The following CCDC191 variants were observed in gnomAD, a reference collection of about 807,000 sequenced individuals.
CCDC191 encodes coiled-coil domain-containing protein 191.
A neutral mutation model predicts 114.0 loss-of-function variants in CCDC191; 99 were observed. The ratio of observed to expected loss-of-function variants is 0.87; its 90% CI spans 0.74 to 1.03. The LOEUF is 1.03. Among genes scored for constraint, CCDC191 ranks in the 50% least tolerant of loss-of-function variants. CCDC191 has a pLI of 0.00. For synonymous variants in CCDC191, 351 were observed against 376.0 expected (o/e 0.93, Z 0.77); for missense variants, 973 against 1,087.0 (o/e 0.90, Z 1.47).
chr3:113,973,269 G>A (rs923931621), intron 16 of CCDC191, among the ~76,000 whole-genome samples: 1 of 152,072 alleles, frequency 6.6e-6, no homozygotes, highest in African/African-American at 2.4e-5. Flanking sequence ...CCTCTTAGCA[G>A]GCTGCTGTAG....
chr3:114,035,203 GA>G, intron 5 of CCDC191, 55 bp from the exon 6 acceptor site: 1 of 1,302,166 alleles, frequency 7.7e-7, no homozygotes, highest in Non-Finnish European at 1.1e-6. Flanking sequence ...AAAGGGATAT[GA>G]AAAGCCTTAC....
chr3:114,019,232 A>T (rs986848766), intron 7 of CCDC191, among the ~76,000 whole-genome samples: 5 of 152,164 alleles, frequency 3.3e-5, no homozygotes, highest in African/African-American at 1.2e-4. Flanking sequence ...GGTGTCTTGG[A>T]GCTCAAAATA....
intron 6 of CCDC191, among the ~76,000 whole-genome samples, chr3:114,032,075 A>C (rs1025707628): frequency 3.9e-5 from 6 of 152,184 alleles, no homozygotes; most frequent in African/African-American, 1.4e-4. Flanking sequence ...TCAAAATTTG[A>C]GAGTTAACAA....
chr3:114,038,399 T>A (rs1422218420), intron 4 of CCDC191, among the ~76,000 whole-genome samples: 1 of 152,196 alleles, frequency 6.6e-6, no homozygotes, highest in Non-Finnish European at 1.5e-5. Context: ...CATCATAATG[T>A]CAGAGCACAA....
At chr3:113,980,394 C>T (rs548071638) in intron 14 of CCDC191, among the ~76,000 whole-genome samples, 1 of 152,284 alleles carries the variant, frequency 6.6e-6, no homozygotes, top group South Asian at 2.1e-4. Context: ...AGAGAAGCTT[C>T]TATTCATCTT....
chr3:113,985,063 C>A (rs1483696950), intron 13 of CCDC191, among the ~76,000 whole-genome samples: 3 of 152,126 alleles, frequency 2.0e-5, no homozygotes, highest in African/African-American at 7.2e-5. Flanking sequence ...CTGATGGAGG[C>A]AGACAGTGAG....
In CCDC191 at chr3:114,053,000, A is replaced by G. The variant is rs577687416; in HGVS notation, c.129+597T>C. The stretch of plus-strand genomic sequence containing the variant: ...GGCACTTTCAAATTAAATGGTACTC[A>G]GACTCAAAAATACATATCTCAGGCC... On this transcript the variant is annotated intron_variant, in intron 2 of 16. Coordinates refer to ENST00000295878, the MANE Select transcript of CCDC191 (RefSeq NM_020817.2). Among the ~76,000 whole-genome samples, 11 of 152,342 alleles carry G rather than the reference A, an allele frequency of 7.2e-5. No homozygotes were observed. The East Asian group carries it at 2.1e-3, about 29-fold the overall frequency.
chr3:114,052,275 C>A (rs2076707730), intron 2 of CCDC191, among the ~76,000 whole-genome samples: 1 of 152,072 alleles, frequency 6.6e-6, no homozygotes, highest in African/African-American at 2.4e-5. Context: ...TTGAGTCAAG[C>A]TGGCTGAAAA....
intron 16 of CCDC191, among the ~76,000 whole-genome samples, chr3:113,969,279 A>T (rs890263667): frequency 1.3e-5 from 2 of 151,370 alleles, no homozygotes; most frequent in East Asian, 3.9e-4. Context: ...GTTTGCAAAT[A>T]CTCTCTCTCT....
chr3:114,014,059 G>A (rs1404924817), intron 8 of CCDC191, among the ~76,000 whole-genome samples: 7 of 152,184 alleles, frequency 4.6e-5, no homozygotes, highest in Non-Finnish European at 7.3e-5. Flanking sequence ...TATCTGCAAA[G>A]TGTCTTGAAC....
rs747849038 is a variant in CCDC191 at position 114,031,607 on chromosome 3, G to A, written c.972+19C>T. 12 of 1,587,674 alleles carry A rather than the reference G, an allele frequency of 7.6e-6. No homozygotes were observed. The highest frequency in any genetic ancestry group is 1.1e-5 in the South Asian group (1 of 90,196). On this transcript the variant is annotated intron_variant, in intron 7 of 16. Coordinates refer to ENST00000295878, the MANE Select transcript of CCDC191 (RefSeq NM_020817.2). ...TTTATACTACAGAATGCTGAGTAAA[G>A]AGACATTGCAATTCCCACCTGTTGA...
intron 1 of CCDC191, chr3:114,054,280 T>A (rs2076736059): frequency 6.6e-6 from 1 of 152,130 alleles, no homozygotes; most frequent in South Asian, 2.1e-4. Context: ...TCCTAGAAGC[T>A]TGGAGAATTC....
Position 114,018,662 on chromosome 3 carries a change from A to G in CCDC191, c.1163+16T>C. 2.5e-6 allele frequency: 4 copies of G among 1,594,780 alleles called. No homozygotes were observed. The highest frequency in any genetic ancestry group is 1.1e-5 in the South Asian group (1 of 89,010). ...TAGATAAACATACTAGATTTTCACA[A>G]TACAAATAATGATACCTGTTTTCTT... On this transcript the variant is annotated intron_variant, in intron 8 of 16. Coordinates refer to ENST00000295878, the MANE Select transcript of CCDC191 (RefSeq NM_020817.2).
Position 113,965,150 on chromosome 3 carries a change from C to G in CCDC191, c.*5G>C, listed in dbSNP as rs565629371. ...TTCCTGTCCTAAATATTACACTAAT[C>G]TGGCTCATTCGTTCACCAGACTTGT... On this transcript the variant is annotated 3_prime_UTR_variant, in exon 17 of 17. Coordinates refer to ENST00000295878, the MANE Select transcript of CCDC191 (RefSeq NM_020817.2). 20 of 1,584,758 alleles carry G rather than the reference C, an allele frequency of 1.3e-5. No homozygotes were observed. In the South Asian group the frequency reaches 1.7e-4, roughly 14 times the overall value.
At chr3:114,005,984 T>C (rs2075951914) in intron 9 of CCDC191, 22 bp from the exon 10 acceptor site, 5 of 1,584,466 alleles carry the variant, frequency 3.2e-6, no homozygotes, top group Non-Finnish European at 4.3e-6. Context: ...AAACATGTTA[T>C]AGCTCAACTA....
rs369714095 is a variant in CCDC191, at chr3:113,980,742, T to C, written c.2215A>G (p.Ile739Val). Residue 739 changes from isoleucine (I) to valine (V), a missense_variant, in exon 14 of 17, where the codon ATA (isoleucine) becomes GTA (valine). Physicochemically the swap from Ile to Val is conservative, Grantham distance 29. Coordinates refer to ENST00000295878, the MANE Select transcript of CCDC191 (RefSeq NM_020817.2). ...RIKRNQQLEAIAKEHYERVLL... is the reference protein window; with the variant it reads ...RIKRNQQLEAVAKEHYERVLL... ...ACCCTTTCATAATGTTCTTTGGCTATTGCTTCCAGCTGCTGGTTCCTCTTA... is the reference window on the plus strand; with the variant it reads ...ACCCTTTCATAATGTTCTTTGGCTACTGCTTCCAGCTGCTGGTTCCTCTTA... 69 of 1,610,666 alleles carry C rather than the reference T, an allele frequency of 4.3e-5. No homozygotes were observed. The highest frequency in any genetic ancestry group is 5.7e-5 in the Non-Finnish European group (67 of 1,179,014).
intron 13 of CCDC191, among the ~76,000 whole-genome samples, chr3:113,993,577 CATTAAA>C (rs553740904): frequency 5.8e-4 from 89 of 152,222 alleles, no homozygotes; most frequent in Admixed American, 2.6e-3. Context: ...TCACAACTTA[CATTAAA>C]ATTAACTCCA....
intron 16 of CCDC191, among the ~76,000 whole-genome samples, chr3:113,971,953 A>T (rs1279301790): frequency 6.6e-6 from 1 of 151,988 alleles, no homozygotes; most frequent in African/African-American, 2.4e-5. Flanking sequence ...TATGTTTTCC[A>T]GTTTATTGAT....
At chr3:114,029,026 A>G (rs2076365823) in intron 7 of CCDC191, among the ~76,000 whole-genome samples, 2 of 152,032 alleles carry the variant, frequency 1.3e-5, no homozygotes, top group African/African-American at 2.4e-5. Flanking sequence ...CCTAGAAAAA[A>G]ATGACACTCC....
Sources: gnomAD v4.1 joint callset for allele counts (sites outside exome capture counted in the v4.1 genomes callset) on GRCh38, gnomAD v4.1.1 for gene constraint, MANE v1.5 for transcripts, NCBI Gene and HGNC (gene_info 2026-07-23, HGNC 2026-07-21) for gene names.